Variants in MALRD1 observed in about 807,000 individuals in gnomAD.
MALRD1 encodes MAM and LDL-receptor class A domain-containing protein 1.
MALRD1 carries 247 observed loss-of-function variants against 242.1 expected under a neutral mutation model. The ratio of observed to expected loss-of-function variants is 1.02; its 90% CI spans 0.92 to 1.13. MALRD1 has a LOEUF of 1.13. Ranked by LOEUF, MALRD1 falls within the 50% of genes most tolerant of loss-of-function variation. The pLI is 0.00. For missense variants in MALRD1, 2,989 were observed against 2,533.1 expected, an observed-to-expected ratio of 1.18 and a Z score of -3.86; for synonymous variants, 995 against 866.6, an observed-to-expected ratio of 1.15 and a Z score of -2.60.
intron 17 of MALRD1, among the ~76,000 whole-genome samples, 170 bp downstream of exon 17, chr10:19,205,435 TTAGATAC>T (rs1468154160): frequency 1.4e-4 from 21 of 151,314 alleles, no homozygotes; most frequent in African/African-American, 4.9e-4. Flanking sequence ...AGAGGATTTA[TTAGATAC>T]TAGATACTAG....
intron 28 of MALRD1, among the ~76,000 whole-genome samples, chr10:19,403,808 T>C (rs1489660728): frequency 6.6e-6 from 1 of 152,150 alleles, no homozygotes; most frequent in East Asian, 1.9e-4. Flanking sequence ...TTCTTTAGTC[T>C]TTTTAGCGTT....
chr10:19,283,973 T>C (rs1588848515), intron 21 of MALRD1, among the ~76,000 whole-genome samples: 1 of 152,072 alleles, frequency 6.6e-6, no homozygotes, highest in South Asian at 2.1e-4. Context: ...CTGCAGATGG[T>C]GTTAACTGCT....
chr10:19,321,988 G>A (rs1322994825), intron 21 of MALRD1, among the ~76,000 whole-genome samples: 1 of 152,112 alleles, frequency 6.6e-6, no homozygotes, highest in Non-Finnish European at 1.5e-5. Flanking sequence ...ATTTAATGAG[G>A]TGGTAGCATT....
intron 32 of MALRD1, among the ~76,000 whole-genome samples, chr10:19,561,032 A>G (rs561520627): frequency 9.7e-4 from 147 of 152,320 alleles, no homozygotes; most frequent in African/African-American, 1.9e-3. Context: ...AATCTATCTA[A>G]TATATCTAAT....
intron 5 of MALRD1, among the ~76,000 whole-genome samples, chr10:19,121,520 C>T (rs1228668849): frequency 1.3e-5 from 2 of 152,068 alleles, no homozygotes; most frequent in Non-Finnish European, 2.9e-5. Flanking sequence ...AGAAGGTTGT[C>T]GGATCAGGAG....
chr10:19,064,501 A>G (rs1320341911), intron 1 of MALRD1, among the ~76,000 whole-genome samples: 3 of 151,250 alleles, frequency 2.0e-5, no homozygotes, highest in Non-Finnish European at 4.4e-5. Context: ...TTAGAAGTTC[A>G]GGATTGCTTT....
At chr10:19,211,913 G>A (rs2782325) in intron 18 of MALRD1, among the ~76,000 whole-genome samples, 111,759 of 151,828 alleles carry the variant, frequency 0.74, 41,377 homozygotes, top group South Asian at 0.84. Flanking sequence ...AAAAATGCAG[G>A]GATTTTTCAC....
chr10:19,559,426 C>G (rs993816264), intron 32 of MALRD1, among the ~76,000 whole-genome samples: 14 of 152,090 alleles, frequency 9.2e-5, no homozygotes, highest in African/African-American at 3.4e-4. Flanking sequence ...AAATTTTCCT[C>G]TAAGCACTGC....
At chr10:19,369,394 A>G (rs1439403575) in intron 26 of MALRD1, among the ~76,000 whole-genome samples, 1 of 57,472 alleles carries the variant, frequency 1.7e-5, no homozygotes, top group Non-Finnish European at 3.3e-5. Flanking sequence ...ATATATTTAT[A>G]TATAAATGCA....
intron 32 of MALRD1, among the ~76,000 whole-genome samples, chr10:19,562,853 G>C (rs1232384095): frequency 1.3e-5 from 2 of 152,122 alleles, no homozygotes; most frequent in African/African-American, 4.8e-5. Context: ...CTCCTCATGA[G>C]GATCTAACTA....
chr10:19,141,674 T>G (rs1833548019), intron 10 of MALRD1, among the ~76,000 whole-genome samples: 1 of 152,130 alleles, frequency 6.6e-6, no homozygotes, highest in South Asian at 2.1e-4. Flanking sequence ...AGATACATCT[T>G]CAAATCAAAA....
At chr10:19,211,197 C>T (rs1050852691) in intron 18 of MALRD1, among the ~76,000 whole-genome samples, 7 of 152,112 alleles carry the variant, frequency 4.6e-5, no homozygotes, top group Admixed American at 1.3e-4. Flanking sequence ...GCCAGATCGA[C>T]GTGGGACTAA....
chr10:19,394,206 A>C (rs969824630), intron 28 of MALRD1, among the ~76,000 whole-genome samples: 10 of 152,152 alleles, frequency 6.6e-5, no homozygotes, highest in Non-Finnish European at 1.3e-4. Context: ...TCATTGCTTT[A>C]TCTTGCTTAG....
At chr10:19,490,511 G>T (rs796798598) in intron 29 of MALRD1, among the ~76,000 whole-genome samples, 8 of 128,396 alleles carry the variant, frequency 6.2e-5, no homozygotes, top group African/African-American at 1.6e-4. Context: ...TGGGGCGGGG[G>T]GGGGGCAGGG....
intron 29 of MALRD1, among the ~76,000 whole-genome samples, chr10:19,460,188 C>T (rs2131091096): frequency 6.6e-6 from 1 of 152,190 alleles, no homozygotes; most frequent in East Asian, 1.9e-4. Flanking sequence ...TTTTCCACTA[C>T]ATAATTGAAG....
intron 29 of MALRD1, among the ~76,000 whole-genome samples, chr10:19,460,324 G>C (rs891255388): frequency 5.9e-5 from 9 of 152,152 alleles, no homozygotes; most frequent in African/African-American, 1.9e-4. Context: ...CAAACATAAA[G>C]AAACAGTTAA....
At chr10:19,530,823 A>G (rs1234972325) in intron 31 of MALRD1, among the ~76,000 whole-genome samples, 2 of 152,112 alleles carry the variant, frequency 1.3e-5, no homozygotes, top group Non-Finnish European at 2.9e-5. Flanking sequence ...AATAAGATAC[A>G]ATACCAGTCA....
intron 31 of MALRD1, among the ~76,000 whole-genome samples, chr10:19,527,006 C>A (rs2131334396): frequency 6.6e-6 from 1 of 152,144 alleles, no homozygotes; most frequent in South Asian, 2.1e-4. Context: ...GACACACACC[C>A]CATTAGAAAA....
intron 28 of MALRD1, among the ~76,000 whole-genome samples, chr10:19,428,546 A>G (rs1431988421): frequency 2.6e-5 from 4 of 152,136 alleles, no homozygotes; most frequent in African/African-American, 9.7e-5. Flanking sequence ...CACAGGAACT[A>G]CTGAGTGCTT....
Sources: gnomAD v4.1 joint callset for allele counts (sites outside exome capture counted in the v4.1 genomes callset) on GRCh38, gnomAD v4.1.1 for gene constraint, MANE v1.5 for transcripts, NCBI Gene and HGNC (gene_info 2026-07-23, HGNC 2026-07-21) for gene names.